The following THADA variants were observed in gnomAD, a reference collection of about 807,000 sequenced individuals.
The protein encoded by THADA is THADA armadillo repeat containing.
THADA carries 213 observed loss-of-function variants against 219.8 expected under a neutral mutation model. That is an observed-to-expected ratio of 0.97 (90% CI 0.87 to 1.09). THADA has a LOEUF of 1.09. THADA is among the 50% of genes least tolerant of loss of function. The pLI, the probability that THADA is intolerant of heterozygous loss-of-function variation, is 0.00. For missense variants in THADA, 2,956 were observed against 2,311.3 expected, an observed-to-expected ratio of 1.28 and a Z score of -5.72; for synonymous variants, 1,018 against 828.9, an observed-to-expected ratio of 1.23 and a Z score of -3.92.
At chr2:43,522,882 C>G (rs1007164230) in intron 22 of THADA, among the ~76,000 whole-genome samples, 1 of 151,998 alleles carries the variant, frequency 6.6e-6, no homozygotes, top group Non-Finnish European at 1.5e-5. Flanking sequence ...GATCGCGCCA[C>G]TGCAGTCCAG....
chr2:43,506,290 G>A (rs1286095705), intron 23 of THADA, among the ~76,000 whole-genome samples: 4 of 152,086 alleles, frequency 2.6e-5, no homozygotes, highest in Admixed American at 2.6e-4. Context: ...CACCAAAGAG[G>A]TCCTATATTT....
intron 21 of THADA, among the ~76,000 whole-genome samples, chr2:43,529,567 T>C (rs1355240835): frequency 6.6e-6 from 1 of 152,208 alleles, no homozygotes; most frequent in Non-Finnish European, 1.5e-5. Flanking sequence ...ACTAAGGTTT[T>C]GAATAGAATT....
chr2:43,396,796 G>A (rs906981194), intron 29 of THADA, among the ~76,000 whole-genome samples: 2 of 151,740 alleles, frequency 1.3e-5, no homozygotes, highest in Non-Finnish European at 1.5e-5. Flanking sequence ...GGGAAACAGT[G>A]TAAGACCCTG....
At chr2:43,307,187 T>C (rs939744069) in intron 31 of THADA, among the ~76,000 whole-genome samples, 4 of 152,186 alleles carry the variant, frequency 2.6e-5, no homozygotes, top group Non-Finnish European at 4.4e-5. Flanking sequence ...AGCATTACAA[T>C]TGCCTGAGCT....
At chr2:43,559,471 G>A (rs1224054810) in intron 16 of THADA, among the ~76,000 whole-genome samples, 2 of 152,228 alleles carry the variant, frequency 1.3e-5, no homozygotes, top group African/African-American at 2.4e-5. Context: ...TGGCTCAGCT[G>A]CAGCAGAAAC....
At chr2:43,469,077 G>A (rs568374120) in intron 26 of THADA, among the ~76,000 whole-genome samples, 1 of 152,212 alleles carries the variant, frequency 6.6e-6, no homozygotes, top group African/African-American at 2.4e-5. Context: ...CAAGCAAGTT[G>A]GTCAGGTCAG....
chr2:43,397,275 C>T, intron 29 of THADA, among the ~76,000 whole-genome samples: 1 of 152,152 alleles, frequency 6.6e-6, no homozygotes, highest in South Asian at 2.1e-4. Context: ...TTATTTTCCA[C>T]CCCTAACCGC....
rs995624676 is a variant in THADA at position 43,540,699 on chromosome 2, T to C, written c.3264+460A>G. ...ACAGTCCCAGATGGTGAACTAACTT[T>C]GTGGTCTTAAAACAAAAGTCAGCCA... On this transcript the variant is annotated intron_variant, in intron 21 of 37. Transcript: ENST00000405975. Among the ~76,000 whole-genome samples, 5 of 152,328 alleles carry C rather than the reference T, an allele frequency of 3.3e-5. No homozygotes were observed. The East Asian group carries it at 9.6e-4, about 29-fold the overall frequency.
At chr2:43,518,430 T>C (rs1023246748) in intron 22 of THADA, among the ~76,000 whole-genome samples, 1 of 152,286 alleles carries the variant, frequency 6.6e-6, no homozygotes, top group Middle Eastern at 3.4e-3. Flanking sequence ...ATAGTATTCA[T>C]ACAAGAATAT....
At chr2:43,457,124 T>G (rs1683099004) in intron 26 of THADA, among the ~76,000 whole-genome samples, 1 of 136,930 alleles carries the variant, frequency 7.3e-6, no homozygotes, top group African/African-American at 2.8e-5. Flanking sequence ...AAAACGTATT[T>G]AGGATATCTA....
In THADA at chr2:43,356,525, A is replaced by C. The variant is rs1668888773; in HGVS notation, c.4228-12288T>G. Among the ~76,000 whole-genome samples the C allele has an allele frequency of 2.0e-5, 3 of 152,212 alleles. No individual in the cohort carries two copies. The South Asian group carries it at 6.2e-4, about 31-fold the overall frequency. On this transcript the variant is annotated intron_variant, in intron 29 of 37. Coordinates refer to ENST00000405975, the MANE Select transcript of THADA (RefSeq NM_022065.5). ...GGAAACCAGGGGTAAAATATCTGCT[A>C]ATTCCCCTAAGGAACAAAATTTGCA... is the stretch of plus-strand genomic sequence containing the variant.
At chr2:43,448,560 C>CTTTTTTTTTTT (rs71410179) in intron 26 of THADA, among the ~76,000 whole-genome samples, 3 of 103,630 alleles carry the variant, frequency 2.9e-5, no homozygotes, top group Non-Finnish European at 3.8e-5. Context: ...TTCTTCCTTT[C>CTTTTTTTTTTT]TTTTTTTTTT....
intron 28 of THADA, among the ~76,000 whole-genome samples, chr2:43,405,976 A>G (rs981831254): frequency 6.6e-6 from 1 of 152,200 alleles, no homozygotes; most frequent in African/African-American, 2.4e-5. Context: ...AGCCTCAGAA[A>G]AGCATGCTTT....
intron 36 of THADA, among the ~76,000 whole-genome samples, chr2:43,252,178 G>C (rs965566587): frequency 1.3e-5 from 2 of 152,094 alleles, no homozygotes; most frequent in Admixed American, 6.6e-5. Flanking sequence ...CCATAAAGAT[G>C]TCCCTCCCAG....
At chr2:43,365,753 T>C (rs1045914831) in intron 29 of THADA, among the ~76,000 whole-genome samples, 1 of 152,116 alleles carries the variant, frequency 6.6e-6, no homozygotes, top group Non-Finnish European at 1.5e-5. Flanking sequence ...GGTGGGTTCC[T>C]TGATCCCCAG....
intron 29 of THADA, among the ~76,000 whole-genome samples, chr2:43,370,480 G>C (rs1485062053): frequency 6.6e-6 from 1 of 152,134 alleles, no homozygotes; most frequent in Non-Finnish European, 1.5e-5. Context: ...GTTGAACACT[G>C]CAAATGTTCA....
intron 29 of THADA, among the ~76,000 whole-genome samples, chr2:43,385,016 C>A (rs922656145): frequency 6.6e-6 from 1 of 152,024 alleles, no homozygotes; most frequent in African/African-American, 2.4e-5. Flanking sequence ...TGGTGCACGC[C>A]TGTAGTCCCT....
rs72877375 is a variant in THADA at position 43,326,288 on chromosome 2, G to T, written c.4344-5748C>A. ...ATTAACAGAGTAACTGTTTGTCTGG[G>T]TGAGTCAGGAAGGGCCTTGGCAGAG... On this transcript the variant is annotated intron_variant, in intron 30 of 37. Coordinates refer to ENST00000405975, the MANE Select transcript of THADA (RefSeq NM_022065.5). 6.2e-3 allele frequency among the ~76,000 whole-genome samples: 937 copies of T among 152,294 alleles called. 15 individuals carry two copies. The highest frequency in any genetic ancestry group is 0.021 in the African/African-American group (890 of 41,562).
At chr2:43,395,216 C>G (rs1673881451) in intron 29 of THADA, among the ~76,000 whole-genome samples, 1 of 152,210 alleles carries the variant, frequency 6.6e-6, no homozygotes, top group Non-Finnish European at 1.5e-5. Flanking sequence ...GATGGCTGAT[C>G]CCCTTGACAA....
Sources: allele counts gnomAD v4.1 joint callset (sites outside exome capture counted in the v4.1 genomes callset), GRCh38; gene constraint gnomAD v4.1.1; transcripts MANE v1.5; gene names NCBI Gene and HGNC (gene_info 2026-07-23, HGNC 2026-07-21).